DOCK4: variants seen among roughly 807,000 people sequenced by gnomAD.
DOCK4 encodes the protein dedicator of cytokinesis protein 4.
A neutral mutation model predicts 268.1 loss-of-function variants in DOCK4; 97 were observed. The observed-to-expected ratio is 0.36, with a 90% CI of 0.31 to 0.43. The LOEUF is 0.43. DOCK4 is among the 20% of genes least tolerant of loss of function. The probability of loss-of-function intolerance (pLI) is 1.00; values close to 1 mark genes in which losing one functional copy is unlikely to be tolerated. For missense variants in DOCK4, 2,145 were observed against 2,455.7 expected (o/e 0.87, Z 2.67); for synonymous variants, 954 against 887.2 (o/e 1.08, Z -1.34).
chr7:112,105,240 T>C (rs756930826), intron 1 of DOCK4, among the ~76,000 whole-genome samples: 12 of 152,186 alleles, frequency 7.9e-5, no homozygotes, highest in Non-Finnish European at 8.8e-5. Context: ...TCCATCTTTC[T>C]CTTAATAAGT....
intron 49 of DOCK4, 85 bp downstream of exon 49, chr7:111,739,049 G>T: frequency 8.6e-7 from 1 of 1,159,590 alleles, no homozygotes; most frequent in South Asian, 1.3e-5. Context: ...CTTGCTTTTG[G>T]CAGCTACCGC....
intron 40 of DOCK4, among the ~76,000 whole-genome samples, chr7:111,759,790 TG>T (rs377142057): frequency 1.2e-5 from 1 of 82,398 alleles, no homozygotes; most frequent in Non-Finnish European, 2.2e-5. Context: ...ATAATCAGGG[TG>T]GGGGGAGGGG....
intron 1 of DOCK4, among the ~76,000 whole-genome samples, chr7:112,011,097 C>A (rs754902593): frequency 7.6e-4 from 116 of 152,224 alleles, no homozygotes; most frequent in Non-Finnish European, 3.1e-4. Context: ...GCTGGGGCTG[C>A]TTCCCAGGGT....
intron 1 of DOCK4, among the ~76,000 whole-genome samples, chr7:112,130,474 C>T (rs911164644): frequency 6.6e-6 from 1 of 152,162 alleles, no homozygotes; most frequent in African/African-American, 2.4e-5. Context: ...TCATGGTTCT[C>T]CCAATAAGTA....
intron 4 of DOCK4, among the ~76,000 whole-genome samples, chr7:111,995,449 GTGTGTGTGTA>G (rs56744754): frequency 0.39 from 49,839 of 128,200 alleles, 8,651 homozygotes; most frequent in East Asian, 0.52. Flanking sequence ...GTGTGTGTGT[GTGTGTGTGTA>G]TGTGCAGGTG....
At chr7:111,786,974 A>C (rs1442714670) in intron 32 of DOCK4, among the ~76,000 whole-genome samples, 1 of 152,194 alleles carries the variant, frequency 6.6e-6, no homozygotes, top group Non-Finnish European at 1.5e-5. Context: ...CCTAAAAATC[A>C]ACAAAAGTAT....
At chr7:112,084,548 T>C (rs767469280) in intron 1 of DOCK4, among the ~76,000 whole-genome samples, 34 of 152,132 alleles carry the variant, frequency 2.2e-4, no homozygotes, top group Non-Finnish European at 1.8e-4. Context: ...GACCCTCAGT[T>C]AATATACTTT....
At chr7:111,822,552 T>C in intron 26 of DOCK4, 96 bp from the exon 27 acceptor site, 1 of 1,076,044 alleles carries the variant, frequency 9.3e-7, no homozygotes, top group Non-Finnish European at 1.3e-6. Context: ...CTGTTACCAT[T>C]TCCAAAGCAA....
chr7:111,810,668 C>T (rs550593547), intron 28 of DOCK4, among the ~76,000 whole-genome samples: 1 of 151,946 alleles, frequency 6.6e-6, no homozygotes, highest in Non-Finnish European at 1.5e-5. Context: ...TACAACCTTT[C>T]ACTCAACAAT....
chr7:111,790,736 AAT>A lies in DOCK4; in HGVS notation c.3167-133_3167-132del. ...TTATAGTCGTCTCCTCAAGCAAGAA[AAT>A]ATAATAACCCATGAGATACAATTAA... On this transcript the variant is annotated intron_variant, in intron 30 of 52. Coordinates refer to ENST00000428084, the MANE Select transcript of DOCK4 (RefSeq NM_001363540.2). 4.4e-6 allele frequency: 5 copies of A among 1,124,108 alleles called. No individual in the cohort carries two copies. In the South Asian group the frequency reaches 9.0e-5, roughly 20 times the overall value. The allele number at this position is 1,124,108 out of a possible 1,614,324, so 69.6% of individuals were successfully genotyped here.
chr7:112,173,698 T>C (rs1254718921), intron 1 of DOCK4, among the ~76,000 whole-genome samples: 1 of 152,104 alleles, frequency 6.6e-6, no homozygotes, highest in Non-Finnish European at 1.5e-5. Flanking sequence ...GTCACAGCTA[T>C]GCCAGCTGAG....
intron 38 of DOCK4, among the ~76,000 whole-genome samples, chr7:111,766,532 A>G (rs1209538394): frequency 6.6e-6 from 1 of 152,212 alleles, no homozygotes. Flanking sequence ...TCAGAGAAAC[A>G]GAATACTCAA....
At chr7:111,962,678 T>G (rs1468889866) in intron 8 of DOCK4, among the ~76,000 whole-genome samples, 1 of 80,456 alleles carries the variant, frequency 1.2e-5, no homozygotes, top group Non-Finnish European at 2.2e-5. Flanking sequence ...CATTCATTAC[T>G]TTCTTTTTCT....
intron 8 of DOCK4, among the ~76,000 whole-genome samples, chr7:111,974,492 ATG>A (rs59409689): frequency 0.084 from 7,075 of 84,144 alleles, 332 homozygotes; most frequent in African/African-American, 0.14. Context: ...TTGAAGAGGG[ATG>A]TGTGTGTGTG....
chr7:112,013,254 A>G (rs1586640411), intron 1 of DOCK4, among the ~76,000 whole-genome samples: 2 of 152,294 alleles, frequency 1.3e-5, no homozygotes, highest in East Asian at 3.9e-4. Flanking sequence ...GAGGTCTGCT[A>G]GATTATTACC....
At chr7:112,061,628 T>C (rs1231733748) in intron 1 of DOCK4, among the ~76,000 whole-genome samples, 2 of 152,068 alleles carry the variant, frequency 1.3e-5, no homozygotes, top group Non-Finnish European at 2.9e-5. Context: ...AAAAAAACTC[T>C]TAAACACACC....
At chr7:111,764,979 G>A in intron 39 of DOCK4, 139 bp downstream of exon 39, 1 of 455,752 alleles carries the variant, frequency 2.2e-6, no homozygotes. Context: ...GATTAATATA[G>A]TGTCTGCAAA....
At chr7:112,136,866 A>T (rs1814403794) in intron 1 of DOCK4, among the ~76,000 whole-genome samples, 1 of 152,164 alleles carries the variant, frequency 6.6e-6, no homozygotes, top group Non-Finnish European at 1.5e-5. Context: ...CTGTGCTAGG[A>T]GCTTTTATTT....
intron 12 of DOCK4, among the ~76,000 whole-genome samples, chr7:111,930,919 T>A (rs1794147384): frequency 6.6e-6 from 1 of 152,194 alleles, no homozygotes; most frequent in East Asian, 1.9e-4. Context: ...TTCTTTAAAT[T>A]AGTTTTTAGG....
Sources: gnomAD v4.1 joint callset for allele counts (sites outside exome capture counted in the v4.1 genomes callset) on GRCh38, gnomAD v4.1.1 for gene constraint, MANE v1.5 for transcripts, NCBI Gene and HGNC (gene_info 2026-07-23, HGNC 2026-07-21) for gene names.